The following PRDM5 variants were observed in gnomAD, a reference collection of about 807,000 sequenced individuals.
PRDM5 encodes the protein PR/SET domain 5.
PRDM5 carries 56 observed loss-of-function variants against 81.2 expected under a neutral mutation model. That is an observed-to-expected ratio of 0.69 (90% CI 0.56 to 0.86). The LOEUF is 0.86. Among genes scored for constraint, PRDM5 ranks in the 40% least tolerant of loss-of-function variants. PRDM5 has a pLI of 0.00. For synonymous variants in PRDM5, 267 were observed against 256.4 expected, an observed-to-expected ratio of 1.04 and a Z score of -0.39; for missense variants, 697 against 770.1, an observed-to-expected ratio of 0.91 and a Z score of 1.12.
At chr4:120,862,389 C>T (rs909337146) in intron 2 of PRDM5, among the ~76,000 whole-genome samples, 4 of 152,168 alleles carry the variant, frequency 2.6e-5, no homozygotes, top group African/African-American at 9.7e-5. Context: ...CTATAAAGGA[C>T]ATACAAATGA....
At chr4:120,686,032 T>C (rs998438277) in intron 1 of PRDM5, among the ~76,000 whole-genome samples, 3 of 151,998 alleles carry the variant, frequency 2.0e-5, no homozygotes, top group African/African-American at 7.2e-5. Flanking sequence ...TAGAAGTCTG[T>C]AGTATCTCCC....
In PRDM5 at chr4:120,838,814, G is replaced by A. The variant is rs116031354; in HGVS notation, c.300+14604C>T. 697 of 170,902 alleles carry A rather than the reference G, an allele frequency of 4.1e-3. 5 individuals are homozygous for A. Among genetic ancestry groups the A allele is most frequent in the African/African-American group, 0.015 (635 of 42,498 alleles). The allele number at this position is 170,902 out of a possible 1,614,324, so 10.6% of individuals were successfully genotyped here. On this transcript the variant is annotated intron_variant, in intron 3 of 15. Coordinates refer to ENST00000264808, the MANE Select transcript of PRDM5 (RefSeq NM_018699.4). ...CCCACTGAGCTCATTCTGCTCACTC[G>A]ACCTGGCAGGCTGTGTTCAGCTCAC...
At chr4:120,857,167 C>A (rs1300989509) in intron 2 of PRDM5, among the ~76,000 whole-genome samples, 1 of 152,142 alleles carries the variant, frequency 6.6e-6, no homozygotes, top group Non-Finnish European at 1.5e-5. Flanking sequence ...ACCAGCCTGG[C>A]CAATATATAG....
chr4:120,790,995 G>T (rs1750488667), intron 10 of PRDM5, among the ~76,000 whole-genome samples: 1 of 152,074 alleles, frequency 6.6e-6, no homozygotes. Flanking sequence ...ACTCATCACT[G>T]ATAAAATGTA....
At chr4:120,737,555 C>T (rs1041682487) in intron 14 of PRDM5, among the ~76,000 whole-genome samples, 2 of 152,138 alleles carry the variant, frequency 1.3e-5, no homozygotes, top group Non-Finnish European at 2.9e-5. Flanking sequence ...CCTTAGTGTC[C>T]GTCTTTCCTG....
chr4:120,711,258 T>G (rs1313628589), intron 14 of PRDM5, among the ~76,000 whole-genome samples: 1 of 152,064 alleles, frequency 6.6e-6, no homozygotes, highest in Non-Finnish European at 1.5e-5. Context: ...TTCTACAGAT[T>G]TTGGGGGATA....
Position 120,720,088 on chromosome 4 carries a change from C to T in PRDM5, c.1624-9675G>A, listed in dbSNP as rs556074770. 9.9e-5 allele frequency among the ~76,000 whole-genome samples: 15 copies of T among 152,272 alleles called. No homozygotes were observed. In the South Asian group the frequency reaches 3.1e-3, roughly 32 times the overall value. ...TTCCCAAAACCTGGCCCTTCTCTCC[C>T]CAACCCCAGCATAGCCAAGCTGTTC... On this transcript the variant is annotated intron_variant, in intron 14 of 15. Coordinates refer to ENST00000264808, the MANE Select transcript of PRDM5 (RefSeq NM_018699.4).
At position 120,694,318 on chromosome 4, in the gene PRDM5, C is replaced by G. The variant is rs1272772673; in HGVS notation, c.*793G>C. The G allele has an allele frequency of 6.6e-6, 1 of 151,994 alleles. No homozygotes were observed. The highest frequency in any genetic ancestry group is 1.9e-4 in the East Asian group (1 of 5,190). 9.4% of individuals were successfully genotyped at this position (151,994 alleles called of 1,614,324 possible). A position where few individuals can be genotyped will look rare whatever the true frequency, so the allele number is the denominator to read the frequency against. On this transcript the variant is annotated 3_prime_UTR_variant, in exon 16 of 16. Coordinates refer to ENST00000264808, the MANE Select transcript of PRDM5 (RefSeq NM_018699.4). ...ATTGGTATACTGTTAATTTCTAAAG[C>G]TAAATGGTCTAAATTCAAGAGGGGT...
chr4:120,851,468 G>GAA (rs1252073835), intron 3 of PRDM5, among the ~76,000 whole-genome samples: 5 of 115,960 alleles, frequency 4.3e-5, no homozygotes, highest in Admixed American at 2.5e-4. Flanking sequence ...TGTTGAAAAA[G>GAA]AAAAAAAAAA....
At chr4:120,736,130 GCCTC>G (rs2149096405) in intron 14 of PRDM5, among the ~76,000 whole-genome samples, 1 of 151,160 alleles carries the variant, frequency 6.6e-6, no homozygotes, top group Admixed American at 6.6e-5. Flanking sequence ...TAAGATAATG[GCCTC>G]CAATTCCATC....
chr4:120,914,000 A>G (rs1211394263), intron 1 of PRDM5, among the ~76,000 whole-genome samples: 2 of 152,168 alleles, frequency 1.3e-5, no homozygotes, highest in Admixed American at 6.6e-5. Context: ...GGACTATTCA[A>G]TAACAGTCTT....
chr4:120,818,203 A>G, intron 5 of PRDM5, 150 bp downstream of exon 5: 1 of 727,560 alleles, frequency 1.4e-6, no homozygotes, highest in Non-Finnish European at 2.3e-6. Context: ...TGACAATACC[A>G]ATGTAAAATG....
intron 9 of PRDM5, 76 bp from the exon 10 acceptor site, chr4:120,798,500 A>C: frequency 1.5e-6 from 2 of 1,321,852 alleles, no homozygotes; most frequent in Non-Finnish European, 2.1e-6. Context: ...CCCTTACCTT[A>C]TATTACTTCT....
At chr4:120,703,210 C>T (rs936269802) in intron 15 of PRDM5, among the ~76,000 whole-genome samples, 16 of 152,020 alleles carry the variant, frequency 1.1e-4, no homozygotes, top group East Asian at 1.9e-4. Flanking sequence ...TCTGGAGACA[C>T]GGTGTCTCTC....
chr4:120,737,988 G>C (rs1298204481), intron 14 of PRDM5, among the ~76,000 whole-genome samples: 1 of 152,120 alleles, frequency 6.6e-6, no homozygotes, highest in Non-Finnish European at 1.5e-5. Context: ...AGAGATGTGA[G>C]CTACAATTCC....
chr4:120,918,404 T>C (rs1056973117), intron 1 of PRDM5, among the ~76,000 whole-genome samples: 4 of 152,174 alleles, frequency 2.6e-5, no homozygotes, highest in Non-Finnish European at 5.9e-5. Context: ...AAATCCATGT[T>C]TCTTCAGACA....
At position 120,922,677 on chromosome 4, in the gene PRDM5, A is replaced by G; in HGVS notation, c.-69T>C. 6.5e-7 allele frequency: 1 copy of G among 1,549,702 alleles called. No homozygotes were observed. Among genetic ancestry groups the G allele is most frequent in the Non-Finnish European group, 8.7e-7 (1 of 1,145,110 alleles). ...TAGCGCCCGGCAGGCGGCACATCGAAATTTGGGGTGCCAGGGTAGAGGGGA... is the reference window on the plus strand; with the variant it reads ...TAGCGCCCGGCAGGCGGCACATCGAGATTTGGGGTGCCAGGGTAGAGGGGA... On this transcript the variant is annotated 5_prime_UTR_variant, in exon 1 of 16. Coordinates refer to ENST00000264808, the MANE Select transcript of PRDM5 (RefSeq NM_018699.4).
intron 1 of PRDM5, among the ~76,000 whole-genome samples, chr4:120,685,346 A>G (rs1733790916): frequency 6.6e-6 from 1 of 152,102 alleles, no homozygotes; most frequent in Non-Finnish European, 1.5e-5. Context: ...TAGTCTAGGT[A>G]CTGATAAAAT....
intron 3 of PRDM5, among the ~76,000 whole-genome samples, chr4:120,828,019 T>G (rs975416206): frequency 1.3e-5 from 2 of 152,088 alleles, no homozygotes; most frequent in South Asian, 2.1e-4. Context: ...CTTTGCAGTT[T>G]CTAGTTTTTC....
Sources: allele counts gnomAD v4.1 joint callset (sites outside exome capture counted in the v4.1 genomes callset), GRCh38; gene constraint gnomAD v4.1.1; transcripts MANE v1.5; gene names NCBI Gene and HGNC (gene_info 2026-07-23, HGNC 2026-07-21).